MAPK13: variants seen among roughly 807,000 people sequenced by gnomAD.
The protein encoded by MAPK13 is MAP kinase 13.
Under a neutral mutation model 53.5 loss-of-function variants are expected in MAPK13, and 39 were observed. That is an observed-to-expected ratio of 0.73 (90% confidence interval 0.56 to 0.95). The LOEUF is 0.95. MAPK13 is among the 40% of genes least tolerant of loss of function. The pLI is 0.00. For synonymous variants in MAPK13, 179 were observed against 190.9 expected (o/e 0.94, Z 0.51); for missense variants, 460 against 471.8 (o/e 0.98, Z 0.23).
intron 3 of MAPK13, among the ~76,000 whole-genome samples, chr6:36,133,471 AG>A (rs1377512214): frequency 6.6e-6 from 1 of 152,234 alleles, no homozygotes; most frequent in African/African-American, 2.4e-5. Context: ...TTTGGGAGGC[AG>A]GGCCGACACA....
intron 5 of MAPK13, 92 bp downstream of exon 5, chr6:36,136,140 G>A: frequency 2.7e-6 from 4 of 1,494,464 alleles, no homozygotes; most frequent in Non-Finnish European, 3.7e-6. Context: ...AAAGTTGGAG[G>A]GAGGGGACAC....
intron 7 of MAPK13, 33 bp downstream of exon 7, chr6:36,136,803 G>A (rs1766427117): frequency 6.2e-7 from 1 of 1,612,348 alleles, no homozygotes; most frequent in Non-Finnish European, 8.5e-7. Context: ...GGCGGTCCTG[G>A]GGCCATCTGG....
chr6:36,136,536 G>C lies in MAPK13; in HGVS notation c.495+5G>C, dbSNP rs1766420179. Reference sequence around the variant, plus strand: ...AATGAGGACTGTGAACTGAAGGTGAGTGGGCTGCAGGCTCAGCCCAGAGGC... The same window carrying C: ...AATGAGGACTGTGAACTGAAGGTGACTGGGCTGCAGGCTCAGCCCAGAGGC... On this transcript the variant is annotated splice_donor_5th_base_variant and intron_variant, in intron 6 of 11. Coordinates refer to ENST00000211287, the MANE Select transcript of MAPK13 (RefSeq NM_002754.5). 1 of 1,603,112 alleles carries C rather than the reference G, an allele frequency of 6.2e-7. No individual in the cohort carries two copies. Among genetic ancestry groups the C allele is most frequent in the Non-Finnish European group, 8.5e-7 (1 of 1,174,698 alleles).
chr6:36,130,780 C>A lies in MAPK13; in HGVS notation c.119+79C>A. The A allele has an allele frequency of 2.7e-6, 2 of 749,324 alleles. No individual in the cohort carries two copies. Among genetic ancestry groups the A allele is most frequent in the Admixed American group, 3.6e-5 (1 of 28,094 alleles). 46.4% of individuals were successfully genotyped at this position (749,324 alleles called of 1,614,324 possible). ...TCCGCCCAGCCCGCCCTGGGCTGGC[C>A]CCTCGCCAGCGCCACCTTGACCGCG... On this transcript the variant is annotated intron_variant, in intron 1 of 11. Transcript: ENST00000211287. The surrounding 1 kb of genome is among the most constrained non-coding windows in gnomAD (Gnocchi z 4.5).
Position 36,142,157 on chromosome 6 carries a change from G to A in MAPK13, c.*2784G>A, listed in dbSNP as rs138268427. Reference sequence around the variant, plus strand: ...TGGGACACCAGTCCTGGGATCCACCGTAAGGTTCATTCTGCATTCACAGGT... The same window carrying A: ...TGGGACACCAGTCCTGGGATCCACCATAAGGTTCATTCTGCATTCACAGGT... On this transcript the variant is annotated 3_prime_UTR_variant, in exon 12 of 12. Transcript: ENST00000211287. This position sits in a 1 kb window ranked among gnomAD's most constrained non-coding sequence, Gnocchi z 4.4. 3,815 of 152,404 alleles carry A rather than the reference G, an allele frequency of 0.025. 63 individuals are homozygous for A. The highest frequency in any genetic ancestry group is 0.036 in the Non-Finnish European group (2,461 of 68,082). The allele number at this position is 152,404 out of a possible 1,614,324, so 9.4% of individuals were successfully genotyped here. A position where few individuals can be genotyped will look rare whatever the true frequency, so the allele number is the denominator to read the frequency against.
In MAPK13 at chr6:36,138,577, C is replaced by T. The variant is rs1286399720; in HGVS notation, c.763-125C>T. 3.1e-6 allele frequency: 4 copies of T among 1,273,952 alleles called. No homozygotes were observed. The African/African-American group carries it at 5.9e-5, about 19-fold the overall frequency. The allele number at this position is 1,273,952 out of a possible 1,614,324, so 78.9% of individuals were successfully genotyped here. A position where few individuals can be genotyped will look rare whatever the true frequency, so the allele number is the denominator to read the frequency against. ...GCATCCTCCTACCCTGGCAGGCACT[C>T]TTGTCTTAATCTCACCGTGGACCCT... On this transcript the variant is annotated intron_variant, in intron 9 of 11. Transcript: ENST00000211287.
intron 6 of MAPK13, 59 bp from the exon 7 acceptor site, chr6:36,136,597 C>T (rs895671011): frequency 3.0e-5 from 48 of 1,602,866 alleles, no homozygotes; most frequent in East Asian, 1.6e-4. Context: ...CCCTGGAAGC[C>T]GCTCCCAGAG....
intron 2 of MAPK13, 127 bp downstream of exon 2, chr6:36,131,527 C>T: frequency 1.1e-6 from 1 of 916,138 alleles, no homozygotes; most frequent in Non-Finnish European, 1.6e-6. Flanking sequence ...CGGTGCCTCT[C>T]GCCTCACTAT....
At chr6:36,134,145 C>T (rs1766370148) in intron 3 of MAPK13, among the ~76,000 whole-genome samples, 2 of 152,060 alleles carry the variant, frequency 1.3e-5, no homozygotes, top group African/African-American at 2.4e-5. Context: ...GGTTCTAGCA[C>T]AGAGAGGCTT....
rs1331826334 is a variant in MAPK13, at chr6:36,142,360, C to T, written c.*2987C>T. The T allele has an allele frequency of 6.6e-6, 1 of 152,394 alleles. No individual in the cohort carries two copies. Among genetic ancestry groups the T allele is most frequent in the Non-Finnish European group, 1.5e-5 (1 of 68,162 alleles). The allele number at this position is 152,394 out of a possible 1,614,324, so 9.4% of individuals were successfully genotyped here. A position where few individuals can be genotyped will look rare whatever the true frequency, so the allele number is the denominator to read the frequency against. ...ATTGCCTCTCCCCAAGTAGGCTTGG[C>T]CTTCTTTTAGTGCCCGTGCGTGGAA... is the stretch of plus-strand genomic sequence containing the variant. On this transcript the variant is annotated 3_prime_UTR_variant, in exon 12 of 12. Transcript: ENST00000211287. The surrounding 1 kb of genome is among the most constrained non-coding windows in gnomAD (Gnocchi z 4.4).
In MAPK13 at chr6:36,142,901, G is replaced by A. The variant is rs945792323; in HGVS notation, c.*3528G>A. On this transcript the variant is annotated 3_prime_UTR_variant, in exon 12 of 12. Coordinates refer to ENST00000211287, the MANE Select transcript of MAPK13 (RefSeq NM_002754.5). The surrounding 1 kb of genome is among the most constrained non-coding windows in gnomAD (Gnocchi z 4.4). ...GTGGAGGGGGTGGGGAGTAGAGGGA[G>A]TGGGGGTTCCACGGGTTTGGGTCTT... 2.0e-5 allele frequency: 3 copies of A among 152,062 alleles called. No homozygotes were observed. The highest frequency in any genetic ancestry group is 4.4e-5 in the Non-Finnish European group (3 of 68,086). 9.4% of individuals were successfully genotyped at this position (152,062 alleles called of 1,614,324 possible). A position where few individuals can be genotyped will look rare whatever the true frequency, so the allele number is the denominator to read the frequency against.
rs1766521640 is a variant in MAPK13, at chr6:36,140,974, T to C, written c.*1601T>C. 1 of 152,160 alleles carries C rather than the reference T, an allele frequency of 6.6e-6. No individual in the cohort carries two copies. The allele number at this position is 152,160 out of a possible 1,614,324, so 9.4% of individuals were successfully genotyped here. A position where few individuals can be genotyped will look rare whatever the true frequency, so the allele number is the denominator to read the frequency against. On this transcript the variant is annotated 3_prime_UTR_variant, in exon 12 of 12. Transcript: ENST00000211287. ...AGGTGGCTAATTAAAACATTTTTTT[T>C]CTTTTTTGTATAGGCGGGGTTTCTC...
chr6:36,135,711 G>A (rs1766402767), intron 3 of MAPK13, 42 bp from the exon 4 acceptor site: 1 of 1,453,524 alleles, frequency 6.9e-7, no homozygotes, highest in Non-Finnish European at 9.6e-7. Context: ...CTGGGGCTGG[G>A]TGGGACCCGG....
In MAPK13 at chr6:36,141,570, G is replaced by A. The variant is rs1038984750; in HGVS notation, c.*2197G>A. The A allele has an allele frequency of 6.6e-6, 1 of 152,308 alleles. No homozygotes were observed. The highest frequency in any genetic ancestry group is 2.4e-5 in the African/African-American group (1 of 41,424). 9.4% of individuals were successfully genotyped at this position (152,308 alleles called of 1,614,324 possible). ...ATGCCTGTAATCCCAAACTACTCGG[G>A]AGGCTGAGGCAGAATTGCTTGAACC... On this transcript the variant is annotated 3_prime_UTR_variant, in exon 12 of 12. Coordinates refer to ENST00000211287, the MANE Select transcript of MAPK13 (RefSeq NM_002754.5).
chr6:36,136,730 C>A lies in MAPK13; in HGVS notation c.570C>A (p.Ala190=), dbSNP rs1358454839. The A allele has an allele frequency of 6.2e-7, 1 of 1,614,056 alleles. No homozygotes were observed. Among genetic ancestry groups the A allele is most frequent in the Non-Finnish European group, 8.5e-7 (1 of 1,179,970 alleles). ...ACGTGGTGACCCGCTGGTACCGAGC[C>A]CCCGAGGTGATCCTCAGCTGGATGC... ...TGYVVTRWYR[A]PEVILSWMHY... The change falls in exon 7 of 12, where the codon GCC becomes GCA. Residue 190 remains alanine (A), a synonymous_variant. Transcript: ENST00000211287.
In MAPK13 at chr6:36,139,025, C is replaced by A; in HGVS notation, c.988C>A (p.His330Asn). The A allele has an allele frequency of 6.2e-7, 1 of 1,608,368 alleles. No individual in the cohort carries two copies. The highest frequency in any genetic ancestry group is 1.7e-5 in the Admixed American group (1 of 58,246). The change falls in exon 11 of 12, where the codon CAC (histidine) becomes AAC (asparagine). Residue 330 changes from histidine to asparagine, a missense_variant. His to Asn is a moderately conservative substitution (Grantham distance 68). Transcript: ENST00000211287. ...AQQPFDDSLE[H>N]EKLTVDEWKQ... ...GCAGCCGTTTGATGATTCCTTAGAACACGAGAAACTCACAGTGGATGAATG... is the reference window on the plus strand; with the variant it reads ...GCAGCCGTTTGATGATTCCTTAGAAAACGAGAAACTCACAGTGGATGAATG...
At chr6:36,132,796 C>T (rs1766346826) in intron 3 of MAPK13, 117 bp downstream of exon 3, 12 of 1,032,580 alleles carry the variant, frequency 1.2e-5, no homozygotes, top group Non-Finnish European at 1.8e-5. Context: ...GCCTCCTTCC[C>T]TGGCAGTCCT....
Position 36,132,692 on chromosome 6 carries a change from G to T in MAPK13, c.308+13G>T, listed in dbSNP as rs1410154077. 6.2e-7 allele frequency: 1 copy of T among 1,614,084 alleles called. No individual in the cohort carries two copies. The highest frequency in any genetic ancestry group is 1.3e-5 in the African/African-American group (1 of 74,948). ...ACTTCTATGACTTGTGAGTTGGGCT[G>T]CACTGGGTTCTGGGGCATTTGCAGG... On this transcript the variant is annotated intron_variant, in intron 3 of 11. Transcript: ENST00000211287.
At chr6:36,138,553 C>A in intron 9 of MAPK13, 109 bp downstream of exon 9, 1 of 1,279,642 alleles carries the variant, frequency 7.8e-7, no homozygotes, top group Non-Finnish European at 1.1e-6. Context: ...CTTCCCACAG[C>A]ATCCTCCTAC....
Sources: allele counts gnomAD v4.1 joint callset (sites outside exome capture counted in the v4.1 genomes callset), GRCh38; gene constraint gnomAD v4.1.1; non-coding constraint Gnocchi (gnomAD v3.1); transcripts MANE v1.5; gene names NCBI Gene and HGNC (gene_info 2026-07-23, HGNC 2026-07-21).